The following NALF1 variants were observed in gnomAD, a reference collection of about 807,000 sequenced individuals.
The protein encoded by NALF1 is family with sequence similarity 155 member A.
NALF1 carries 3 observed loss-of-function variants against 48.4 expected under a neutral mutation model. That is an observed-to-expected ratio of 0.06 (90% CI 0.03 to 0.16). NALF1 has a LOEUF of 0.16. Among genes scored for constraint, NALF1 ranks in the 10% least tolerant of loss-of-function variants. NALF1 has a pLI of 1.00. For missense variants in NALF1, 526 were observed against 571.5 expected (o/e 0.92, Z 0.81); for synonymous variants, 262 against 245.7 (o/e 1.07, Z -0.62).
chr13:107,242,748 A>G, intron 1 of NALF1, among the ~76,000 whole-genome samples: 1 of 152,102 alleles, frequency 6.6e-6, no homozygotes. Context: ...TCTTTAGGTG[A>G]GAGACAAGTT....
chr13:107,730,257 T>C (rs1876272645), intron 1 of NALF1, among the ~76,000 whole-genome samples: 3 of 152,206 alleles, frequency 2.0e-5, no homozygotes, highest in Admixed American at 2.0e-4. Context: ...ATATTGCAGA[T>C]ACAAGAATGC....
At chr13:107,706,169 A>G (rs1881941675) in intron 1 of NALF1, among the ~76,000 whole-genome samples, 1 of 152,180 alleles carries the variant, frequency 6.6e-6, no homozygotes, top group Non-Finnish European at 1.5e-5. Context: ...TGGCTGCAGT[A>G]TTCTGAAACA....
chr13:107,416,927 G>C (rs983205235), intron 1 of NALF1, among the ~76,000 whole-genome samples: 1 of 152,184 alleles, frequency 6.6e-6, no homozygotes, highest in East Asian at 1.9e-4. Flanking sequence ...CTTACACCCT[G>C]TCTATAAAGA....
At chr13:107,622,153 G>A (rs1879535433) in intron 1 of NALF1, among the ~76,000 whole-genome samples, 1 of 151,984 alleles carries the variant, frequency 6.6e-6, no homozygotes, top group African/African-American at 2.4e-5. Context: ...TCATGGCTGG[G>A]TACGGTGGCT....
chr13:107,711,821 T>C (rs1023839987), intron 1 of NALF1, among the ~76,000 whole-genome samples: 3 of 152,202 alleles, frequency 2.0e-5, no homozygotes, highest in Non-Finnish European at 4.4e-5. Context: ...AGTCTAAGAA[T>C]GTATGTTTTT....
intron 1 of NALF1, chr13:107,466,011 T>G (rs1184894270): frequency 6.5e-6 from 1 of 153,036 alleles, no homozygotes; most frequent in African/African-American, 2.4e-5. Context: ...TTTATTGGAC[T>G]TACAGTTCCA....
chr13:107,283,938 C>G (rs1305943841), intron 1 of NALF1, among the ~76,000 whole-genome samples: 7 of 152,112 alleles, frequency 4.6e-5, no homozygotes, highest in Admixed American at 1.3e-4. Flanking sequence ...ATGTTCTAAA[C>G]TGTCTAGGAG....
chr13:107,675,489 C>T (rs1311559154), intron 1 of NALF1, among the ~76,000 whole-genome samples: 1 of 152,190 alleles, frequency 6.6e-6, no homozygotes, highest in Non-Finnish European at 1.5e-5. Flanking sequence ...TGCATTATAA[C>T]TTCTTTATCT....
At chr13:107,779,095 T>C (rs936572940) in intron 1 of NALF1, among the ~76,000 whole-genome samples, 1 of 152,258 alleles carries the variant, frequency 6.6e-6, no homozygotes, top group African/African-American at 2.4e-5. Flanking sequence ...GCTGAATTAC[T>C]GTAGAGAGAT....
chr13:107,583,269 G>A (rs1878364064), intron 1 of NALF1, among the ~76,000 whole-genome samples: 1 of 151,722 alleles, frequency 6.6e-6, no homozygotes, highest in South Asian at 2.1e-4. Context: ...ATGTATTTTT[G>A]CAAGAATGAG....
chr13:107,282,052 T>C (rs567243806), intron 1 of NALF1, among the ~76,000 whole-genome samples: 66 of 152,282 alleles, frequency 4.3e-4, no homozygotes, highest in Non-Finnish European at 7.9e-4. Context: ...CAGTCTGCAT[T>C]GATGGTGTTG....
chr13:107,865,657 G>A lies in NALF1; in HGVS notation c.915+25C>T, dbSNP rs776626877. 3.1e-6 allele frequency: 5 copies of A among 1,602,384 alleles called. No individual in the cohort carries two copies. In the African/African-American group the frequency reaches 5.4e-5, roughly 17 times the overall value. ...AGCAGAGATAGGAAAGTGCAGGAAA[G>A]GGGGAAACCCCCGAGGGTTCCTACC... On this transcript the variant is annotated intron_variant, in intron 1 of 2. Coordinates refer to ENST00000375915, the MANE Select transcript of NALF1 (RefSeq NM_001080396.3).
intron 1 of NALF1, among the ~76,000 whole-genome samples, chr13:107,621,362 A>G (rs1879513242): frequency 6.6e-6 from 1 of 152,198 alleles, no homozygotes; most frequent in African/African-American, 2.4e-5. Flanking sequence ...GACAATGTTA[A>G]GTTTTCTAAT....
At chr13:107,821,980 AT>A (rs1879371886) in intron 1 of NALF1, among the ~76,000 whole-genome samples, 2 of 151,220 alleles carry the variant, frequency 1.3e-5, no homozygotes, top group Non-Finnish European at 2.9e-5. Flanking sequence ...GATGTGGACA[AT>A]GGTGATATAC....
chr13:107,225,824 C>T (rs565454229), intron 1 of NALF1, among the ~76,000 whole-genome samples: 3 of 152,164 alleles, frequency 2.0e-5, no homozygotes, highest in South Asian at 2.1e-4. Context: ...TGCACACACA[C>T]GCACGCACAC....
Position 107,866,510 on chromosome 13 carries a change from G to T in NALF1, c.87C>A (p.Phe29Leu). The T allele has an allele frequency of 6.2e-7, 1 of 1,613,996 alleles. No individual in the cohort carries two copies. The highest frequency in any genetic ancestry group is 8.5e-7 in the Non-Finnish European group (1 of 1,180,036). The part of the protein sequence containing the change: ...LAAPRENEKP[F>L]IDSERAQKWR... ...ATTTCTGAGCCCTCTCGGAATCGAT[G>T]AACGGTTTCTCGTTCTCTCGGGGTG... Residue 29 changes from phenylalanine to leucine, a missense_variant, in exon 1 of 3, where the codon TTC (phenylalanine) becomes TTA (leucine). Coordinates refer to ENST00000375915, the MANE Select transcript of NALF1 (RefSeq NM_001080396.3). The surrounding 1 kb of genome is among the most constrained non-coding windows in gnomAD (Gnocchi z 4.4).
At chr13:107,664,778 C>T (rs1880814494) in intron 1 of NALF1, among the ~76,000 whole-genome samples, 1 of 152,076 alleles carries the variant, frequency 6.6e-6, no homozygotes, top group Admixed American at 6.6e-5. Flanking sequence ...AGATACTATA[C>T]ATTCATCCTT....
intron 1 of NALF1, among the ~76,000 whole-genome samples, chr13:107,567,384 C>T (rs934161343): frequency 2.6e-5 from 4 of 152,162 alleles, no homozygotes; most frequent in Admixed American, 1.3e-4. Flanking sequence ...CTTACTAGGA[C>T]CTCAAGTCAG....
At position 107,648,274 on chromosome 13, in the gene NALF1, C is replaced by T. The variant is rs190619769; in HGVS notation, c.915+217408G>A. 3.4e-3 allele frequency among the ~76,000 whole-genome samples: 517 copies of T among 152,216 alleles called. 1 individual carries two copies. Among genetic ancestry groups the T allele is most frequent in the Non-Finnish European group, 5.7e-3 (388 of 68,006 alleles). ...TGACAAATGCCCATCGTCATGGGTC[C>T]ACCATTACAGTATCATACAGAATAA... On this transcript the variant is annotated intron_variant, in intron 1 of 2. Transcript: ENST00000375915.
Sources: gnomAD v4.1 joint callset for allele counts (sites outside exome capture counted in the v4.1 genomes callset) on GRCh38, gnomAD v4.1.1 for gene constraint, Gnocchi (gnomAD v3.1) non-coding constraint, MANE v1.5 for transcripts, NCBI Gene and HGNC (gene_info 2026-07-23, HGNC 2026-07-21) for gene names.